NEGR1: variants seen among roughly 807,000 people sequenced by gnomAD.
NEGR1 encodes the protein neuronal growth regulator 1.
NEGR1 carries 10 observed loss-of-function variants against 40.9 expected under a neutral mutation model. That is an observed-to-expected ratio of 0.24 (90% confidence interval 0.15 to 0.42). NEGR1 has a LOEUF of 0.42. Ranked by LOEUF, NEGR1 falls within the 10% of genes least tolerant of loss-of-function variation. The pLI, the probability that NEGR1 is intolerant of heterozygous loss-of-function variation, is 1.00. For synonymous variants in NEGR1, 185 were observed against 166.8 expected, an observed-to-expected ratio of 1.11 and a Z score of -0.84; for missense variants, 352 against 438.9, an observed-to-expected ratio of 0.80 and a Z score of 1.77.
intron 6 of NEGR1, among the ~76,000 whole-genome samples, chr1:71,441,304 T>TAC (rs1646545724): frequency 6.6e-6 from 1 of 152,188 alleles, no homozygotes; most frequent in Non-Finnish European, 1.5e-5. Context: ...TCGGCCCCAA[T>TAC]CTTTTAGCTT....
At chr1:71,533,275 C>T (rs1335432541) in intron 6 of NEGR1, among the ~76,000 whole-genome samples, 1 of 151,628 alleles carries the variant, frequency 6.6e-6, no homozygotes, top group Non-Finnish European at 1.5e-5. Flanking sequence ...TGTAGAATGT[C>T]TTCCTCTTAG....
intron 1 of NEGR1, among the ~76,000 whole-genome samples, chr1:72,132,232 T>C (rs1035836043): frequency 6.6e-6 from 1 of 152,242 alleles, no homozygotes; most frequent in Non-Finnish European, 1.5e-5. Flanking sequence ...ACTATGAAGT[T>C]AGAAATTCAA....
At chr1:71,692,434 T>C (rs1653319125) in intron 4 of NEGR1, among the ~76,000 whole-genome samples, 1 of 151,544 alleles carries the variant, frequency 6.6e-6, no homozygotes, top group Non-Finnish European at 1.5e-5. Context: ...AATAACTCTG[T>C]TTTCTTCTAG....
At chr1:71,970,554 T>C (rs1557461568) in intron 1 of NEGR1, among the ~76,000 whole-genome samples, 1 of 151,898 alleles carries the variant, frequency 6.6e-6, no homozygotes, top group Non-Finnish European at 1.5e-5. Context: ...TAGCCAGGCA[T>C]GGTAGTGCGT....
intron 6 of NEGR1, among the ~76,000 whole-genome samples, chr1:71,563,617 C>T (rs1412326374): frequency 6.6e-6 from 1 of 151,894 alleles, no homozygotes; most frequent in Non-Finnish European, 1.5e-5. Context: ...ATGGTAAAGA[C>T]ATGAGCCTGC....
At chr1:71,941,560 T>A (rs573672967) in intron 1 of NEGR1, among the ~76,000 whole-genome samples, 37 of 152,200 alleles carry the variant, frequency 2.4e-4, no homozygotes, top group Admixed American at 2.2e-3. Flanking sequence ...GTGGCAGAGG[T>A]GGAAGACAGT....
At chr1:71,454,358 G>T (rs1646654960) in intron 6 of NEGR1, among the ~76,000 whole-genome samples, 2 of 149,660 alleles carry the variant, frequency 1.3e-5, no homozygotes, top group Non-Finnish European at 3.0e-5. Flanking sequence ...TTAATTCTTT[G>T]TCCCATTACT....
chr1:71,683,225 A>G (rs1195673716), intron 4 of NEGR1, among the ~76,000 whole-genome samples: 2 of 152,004 alleles, frequency 1.3e-5, no homozygotes, highest in Non-Finnish European at 2.9e-5. Flanking sequence ...TTCTTATACT[A>G]CAGGTATGGC....
At chr1:71,725,575 C>T (rs1206400604) in intron 3 of NEGR1, among the ~76,000 whole-genome samples, 1 of 152,044 alleles carries the variant, frequency 6.6e-6, no homozygotes, top group African/African-American at 2.4e-5. Context: ...TTTTAAGCAA[C>T]TGTTATTTTC....
chr1:72,273,291 C>T (rs923448729), intron 1 of NEGR1, among the ~76,000 whole-genome samples: 1 of 151,796 alleles, frequency 6.6e-6, no homozygotes, highest in South Asian at 2.1e-4. Flanking sequence ...CCTCTATATC[C>T]TTATTGATTT....
intron 6 of NEGR1, among the ~76,000 whole-genome samples, chr1:71,433,485 A>G (rs1363797062): frequency 3.3e-5 from 5 of 152,310 alleles, no homozygotes; most frequent in African/African-American, 1.2e-4. Flanking sequence ...GATATACCCG[A>G]GACTGGGAAG....
chr1:72,265,591 A>T (rs1655611029), intron 1 of NEGR1, among the ~76,000 whole-genome samples: 1 of 150,850 alleles, frequency 6.6e-6, no homozygotes, highest in Non-Finnish European at 1.5e-5. Flanking sequence ...ATGGTAATAT[A>T]CCCTGTAGGC....
chr1:71,654,848 A>G (rs956747251), intron 4 of NEGR1, among the ~76,000 whole-genome samples: 42 of 152,206 alleles, frequency 2.8e-4, no homozygotes, highest in African/African-American at 1.0e-3. Flanking sequence ...TCTAATATAC[A>G]GCTTTAATCA....
At chr1:71,991,587 C>T (rs1414259779) in intron 1 of NEGR1, among the ~76,000 whole-genome samples, 2 of 152,122 alleles carry the variant, frequency 1.3e-5, no homozygotes, top group African/African-American at 4.8e-5. Context: ...GTGATCTCTG[C>T]ACTCTCATAC....
intron 6 of NEGR1, among the ~76,000 whole-genome samples, chr1:71,472,011 C>T (rs1517760): frequency 0.73 from 110,881 of 151,986 alleles, 40,993 homozygotes; most frequent in Non-Finnish European, 0.77. Flanking sequence ...TCTCTGCAGT[C>T]ATCAAAAGTC....
chr1:71,872,017 T>C (rs1660292851), intron 2 of NEGR1, among the ~76,000 whole-genome samples: 1 of 152,168 alleles, frequency 6.6e-6, no homozygotes, highest in Non-Finnish European at 1.5e-5. Flanking sequence ...GGCTGTGCAA[T>C]CTATAAAATT....
At chr1:71,672,777 A>G (rs1473124022) in intron 4 of NEGR1, among the ~76,000 whole-genome samples, 1 of 152,200 alleles carries the variant, frequency 6.6e-6, no homozygotes, top group African/African-American at 2.4e-5. Context: ...AGAAAAATAT[A>G]GTTGGTGTCA....
intron 1 of NEGR1, among the ~76,000 whole-genome samples, chr1:72,002,346 G>C (rs1048769228): frequency 2.0e-5 from 3 of 152,004 alleles, no homozygotes; most frequent in Non-Finnish European, 4.4e-5. Context: ...TAATTTTAAA[G>C]TATAGCAAGG....
Position 71,808,065 on chromosome 1 carries a change from A to C in NEGR1, c.410-31768T>G, listed in dbSNP as rs528629249. Reference sequence around the variant, plus strand: ...AAATGAGAGGAAAATAAGAAAAGTTATTGTTCCATAATGTATAAAATGGCA... The same window carrying C: ...AAATGAGAGGAAAATAAGAAAAGTTCTTGTTCCATAATGTATAAAATGGCA... On this transcript the variant is annotated intron_variant, in intron 2 of 6. Coordinates refer to ENST00000357731, the MANE Select transcript of NEGR1 (RefSeq NM_173808.3). Among the ~76,000 whole-genome samples the C allele has an allele frequency of 2.3e-3, 353 of 152,286 alleles. 8 individuals are homozygous for C. Among genetic ancestry groups the C allele is most frequent in the Non-Finnish European group, 2.9e-3 (196 of 68,018 alleles).
Sources: gnomAD v4.1 joint callset for allele counts (sites outside exome capture counted in the v4.1 genomes callset) on GRCh38, gnomAD v4.1.1 for gene constraint, MANE v1.5 for transcripts, NCBI Gene and HGNC (gene_info 2026-07-23, HGNC 2026-07-21) for gene names.